Variants in ANO2 observed in about 807,000 individuals in gnomAD.
ANO2 encodes anoctamin-2.
A neutral mutation model predicts 124.2 loss-of-function variants in ANO2; 101 were observed. The ratio of observed to expected loss-of-function variants is 0.81; its 90% CI spans 0.69 to 0.96. The LOEUF is 0.96. Ranked by LOEUF, ANO2 falls within the 40% of genes least tolerant of loss-of-function variation. ANO2 has a pLI of 0.00. For missense variants in ANO2, 1,293 were observed against 1,274.5 expected (o/e 1.01, Z -0.22); for synonymous variants, 486 against 482.5 (o/e 1.01, Z -0.09).
intron 11 of ANO2, among the ~76,000 whole-genome samples, chr12:5,748,556 G>T (rs1951337344): frequency 6.6e-6 from 1 of 152,154 alleles, no homozygotes. Flanking sequence ...GACAATTTAT[G>T]TGACCTCATG....
chr12:5,750,185 T>C (rs1239781731), intron 11 of ANO2, among the ~76,000 whole-genome samples: 1 of 152,126 alleles, frequency 6.6e-6, no homozygotes, highest in Non-Finnish European at 1.5e-5. Flanking sequence ...TACTCCCTCC[T>C]TGGCCTCCCA....
Position 5,615,954 on chromosome 12 carries a change from C to T in ANO2, c.1817-657G>A, listed in dbSNP as rs1000081438. Among the ~76,000 whole-genome samples, 8 of 152,140 alleles carry T rather than the reference C, an allele frequency of 5.3e-5. No homozygotes were observed. The East Asian group carries it at 7.8e-4, about 15-fold the overall frequency. ...AGCCTAAGGTTTGACTCATAGGTCA[C>T]GGGCCCTGGGTGTTCTATCAGATCC... On this transcript the variant is annotated intron_variant, in intron 16 of 24. Transcript: ENST00000682330.
chr12:5,663,437 C>A (rs1947542823), intron 14 of ANO2, among the ~76,000 whole-genome samples: 1 of 152,172 alleles, frequency 6.6e-6, no homozygotes, highest in South Asian at 2.1e-4. Flanking sequence ...CAGGACTAGG[C>A]CCTGTGTGCA....
At chr12:5,640,607 A>G (rs1271197327) in intron 15 of ANO2, among the ~76,000 whole-genome samples, 1 of 152,262 alleles carries the variant, frequency 6.6e-6, no homozygotes, top group Non-Finnish European at 1.5e-5. Context: ...TTATGCAGCC[A>G]ACAGACACAT....
At chr12:5,796,803 GC>G (rs1183693773) in intron 10 of ANO2, among the ~76,000 whole-genome samples, 1 of 152,192 alleles carries the variant, frequency 6.6e-6, no homozygotes, top group Non-Finnish European at 1.5e-5. Flanking sequence ...TCAAAATGAG[GC>G]CTGAAGGCCT....
At position 5,635,494 on chromosome 12, in the gene ANO2, G is replaced by A. The variant is rs990982754; in HGVS notation, c.1621-147C>T. 2.7e-6 allele frequency: 2 copies of A among 753,100 alleles called. No homozygotes were observed. Among genetic ancestry groups the A allele is most frequent in the African/African-American group, 1.8e-5 (1 of 55,634 alleles). 46.7% of individuals were successfully genotyped at this position (753,100 alleles called of 1,614,324 possible). On this transcript the variant is annotated intron_variant, in intron 15 of 24. Transcript: ENST00000682330. The surrounding 1 kb of genome is among the most constrained non-coding windows in gnomAD (Gnocchi z 5.2). Reference sequence around the variant, plus strand: ...TAACAAGGGATTCCAGATATTATTAGTCTGGAATATTTGGGTGGGTAACAA... The same window carrying A: ...TAACAAGGGATTCCAGATATTATTAATCTGGAATATTTGGGTGGGTAACAA...
At chr12:5,719,902 T>A (rs559563153) in intron 14 of ANO2, among the ~76,000 whole-genome samples, 1 of 152,284 alleles carries the variant, frequency 6.6e-6, no homozygotes, top group African/African-American at 2.4e-5. Context: ...CTTGTCTCTC[T>A]CACTTGCTCA....
chr12:5,749,402 G>A (rs1400142993), intron 11 of ANO2, among the ~76,000 whole-genome samples: 4 of 152,180 alleles, frequency 2.6e-5, no homozygotes, highest in East Asian at 3.8e-4. Flanking sequence ...GAGACCAATC[G>A]AGTATAAAGC....
chr12:5,921,138 C>T lies in ANO2; in HGVS notation c.436G>A (p.Gly146Arg), dbSNP rs1359535691. The change falls in exon 3 of 25, where the codon GGA becomes AGA. Residue 146 changes from glycine to arginine, a missense_variant. Physicochemically the swap from Gly to Arg is moderately radical, Grantham distance 125. Coordinates refer to ENST00000682330, the MANE Select transcript of ANO2 (RefSeq NM_001364791.2). ...HAGGPGDIEL[G>R]PLDALEEERK... ...TCCTCCTCCAGGGCATCGAGCGGTC[C>T]CAGCTCAATGTCACCTGGGCCCCCA... 4 of 1,613,976 alleles carry T rather than the reference C, an allele frequency of 2.5e-6. No homozygotes were observed. The East Asian group carries it at 6.7e-5, about 27-fold the overall frequency.
intron 16 of ANO2, among the ~76,000 whole-genome samples, chr12:5,624,262 AACAGACAGACAGACAGACAGAGAGACAG>A (rs1378296212): frequency 1.3e-5 from 2 of 149,856 alleles, no homozygotes; most frequent in East Asian, 3.9e-4. Context: ...GAGAGAGAGA[AACAGACAGACAGACAGACAGAGAGACAG>A]ACAGACAGAG....
At chr12:5,681,971 G>GA (rs1249317444) in intron 14 of ANO2, among the ~76,000 whole-genome samples, 2 of 151,850 alleles carry the variant, frequency 1.3e-5, no homozygotes, top group Admixed American at 6.5e-5. Flanking sequence ...GAAAATCATG[G>GA]AAAAAAGAGG....
intron 7 of ANO2, among the ~76,000 whole-genome samples, chr12:5,825,753 A>G (rs1237229518): frequency 2.0e-5 from 3 of 152,188 alleles, no homozygotes; most frequent in Non-Finnish European, 4.4e-5. Flanking sequence ...GAGATTCGTT[A>G]GGGCATCTCT....
rs762841872 is a variant in ANO2, at chr12:5,563,503, G to A, written c.2793C>T (p.Ser931=). The part of the protein sequence containing the change: ...WMIPDIPTDI[S]DQIKKEKSLL... ...AGCTCTTCTCTTTCTTGATCTGGTC[G>A]CTGATGTCCGTGGGGATGTCTGGAA... Residue 931 remains serine, a synonymous_variant, in exon 25 of 25, where the codon AGC becomes AGT. Coordinates refer to ENST00000682330, the MANE Select transcript of ANO2 (RefSeq NM_001364791.2). The A allele has an allele frequency of 1.6e-5, 26 of 1,613,818 alleles. No individual in the cohort carries two copies. Among genetic ancestry groups the A allele is most frequent in the African/African-American group, 9.3e-5 (7 of 74,908 alleles).
rs965601596 is a variant in ANO2, at chr12:5,830,383, A to G, written c.840+52T>C. On this transcript the variant is annotated intron_variant, in intron 6 of 24. Coordinates refer to ENST00000682330, the MANE Select transcript of ANO2 (RefSeq NM_001364791.2). ...TAAGAGAATGCCCTGCCAACTAGGA[A>G]CTCAGCCCTTTCCCCATCCTCTTTC... The G allele has an allele frequency of 5.7e-6, 9 of 1,578,792 alleles. No individual in the cohort carries two copies. The South Asian group carries it at 8.1e-5, about 14-fold the overall frequency.
Position 5,911,436 on chromosome 12 carries a change from C to A in ANO2, c.534+9604G>T, listed in dbSNP as rs571782854. Among the ~76,000 whole-genome samples, 5 of 152,094 alleles carry A rather than the reference C, an allele frequency of 3.3e-5. No homozygotes were observed. In the East Asian group the frequency reaches 9.6e-4, roughly 29 times the overall value. ...TTCCTTCTCAATGTGTGTCTCAGAG[C>A]CCAAAACATCTAGCAGTGCCATGAA... On this transcript the variant is annotated intron_variant, in intron 3 of 24. Coordinates refer to ENST00000682330, the MANE Select transcript of ANO2 (RefSeq NM_001364791.2).
chr12:5,704,467 A>G (rs1237735028), intron 14 of ANO2, among the ~76,000 whole-genome samples: 1 of 152,156 alleles, frequency 6.6e-6, no homozygotes, highest in Admixed American at 6.5e-5. Context: ...TGTCATTGGA[A>G]GCTTCTGGTA....
At chr12:5,907,590 C>T (rs1940782661) in intron 3 of ANO2, among the ~76,000 whole-genome samples, 1 of 151,930 alleles carries the variant, frequency 6.6e-6, no homozygotes, top group African/African-American at 2.4e-5. Context: ...CAGTTTCATT[C>T]ATTCAGAAAA....
At chr12:5,793,069 T>G (rs1952745237) in intron 10 of ANO2, among the ~76,000 whole-genome samples, 1 of 152,160 alleles carries the variant, frequency 6.6e-6, no homozygotes, top group Non-Finnish European at 1.5e-5. Context: ...GAAAGAAAGC[T>G]TAGGTATATG....
chr12:5,941,675 AAAAAG>A (rs893187864), intron 1 of ANO2, among the ~76,000 whole-genome samples: 18 of 152,092 alleles, frequency 1.2e-4, no homozygotes, highest in African/African-American at 4.3e-4. Flanking sequence ...AGTTAAAAAA[AAAAAG>A]AAAACCACAC....
Sources: gnomAD v4.1 joint callset for allele counts (sites outside exome capture counted in the v4.1 genomes callset) on GRCh38, gnomAD v4.1.1 for gene constraint, Gnocchi (gnomAD v3.1) non-coding constraint, MANE v1.5 for transcripts, NCBI Gene and HGNC (gene_info 2026-07-23, HGNC 2026-07-21) for gene names.